CFAP74: variants seen among roughly 807,000 people sequenced by gnomAD.
CFAP74 encodes cilia- and flagella-associated protein 74.
CFAP74 carries 124 observed loss-of-function variants against 188.9 expected under a neutral mutation model. That is an observed-to-expected ratio of 0.66 (90% CI 0.57 to 0.76). The LOEUF (loss-of-function observed/expected upper bound fraction) is 0.76, where lower values mean the gene tolerates loss of function less well. CFAP74 is among the 30% of genes least tolerant of loss of function. The probability of loss-of-function intolerance (pLI) is 0.00; values close to 1 mark genes in which losing one functional copy is unlikely to be tolerated. For synonymous variants in CFAP74, 956 were observed against 916.7 expected, an observed-to-expected ratio of 1.04 and a Z score of -0.77; for missense variants, 2,198 against 2,165.2, an observed-to-expected ratio of 1.02 and a Z score of -0.30.
chr1:1,970,069 C>T (rs1355974379), intron 10 of CFAP74, among the ~76,000 whole-genome samples: 1 of 152,202 alleles, frequency 6.6e-6, no homozygotes, highest in African/African-American at 2.4e-5. Flanking sequence ...TCAGGAAGCC[C>T]AGTGGGGCCC....
At chr1:1,997,753 G>C (rs961206460) in intron 1 of CFAP74, among the ~76,000 whole-genome samples, 1 of 152,120 alleles carries the variant, frequency 6.6e-6, no homozygotes, top group Non-Finnish European at 1.5e-5. Flanking sequence ...CATGAAAGGA[G>C]ACAGACATAA....
chr1:1,956,147 C>T (rs1460847436), intron 17 of CFAP74, among the ~76,000 whole-genome samples: 2 of 152,368 alleles, frequency 1.3e-5, no homozygotes, highest in Non-Finnish European at 2.9e-5. Flanking sequence ...CTTGGTCCAA[C>T]CCTCCTTCCT....
intron 1 of CFAP74, among the ~76,000 whole-genome samples, chr1:1,993,565 C>T (rs1022249826): frequency 2.0e-5 from 3 of 151,826 alleles, no homozygotes; most frequent in Non-Finnish European, 2.9e-5. Flanking sequence ...GAACTAGAGG[C>T]GTGAGCCACC....
chr1:1,951,030 A>G (rs913879538), intron 18 of CFAP74, among the ~76,000 whole-genome samples: 2 of 152,160 alleles, frequency 1.3e-5, no homozygotes, highest in Non-Finnish European at 2.9e-5. Flanking sequence ...GGGGTGTATT[A>G]GTCTGTTTCA....
rs868196722 is a variant in CFAP74 at position 1,935,303 on chromosome 1, C to T, written c.3011+3552G>A. On this transcript the variant is annotated intron_variant, in intron 25 of 38. Transcript: ENST00000682832. ...TAGGTTGTAGGTACACAGGTGTATA[C>T]GTGGGTGTTAGGTTGTAGGTACACA... is the stretch of plus-strand genomic sequence containing the variant. Among the ~76,000 whole-genome samples the T allele has an allele frequency of 2.4e-5, 2 of 82,372 alleles. 1 individual carries two copies. Among genetic ancestry groups the T allele is most frequent in the Non-Finnish European group, 4.9e-5 (2 of 40,474 alleles). 54.0% of individuals were successfully genotyped at this position (82,372 alleles called of 152,430 possible).
intron 18 of CFAP74, among the ~76,000 whole-genome samples, chr1:1,952,045 C>T (rs1025118102): frequency 3.3e-5 from 5 of 152,278 alleles, no homozygotes; most frequent in African/African-American, 7.2e-5. Flanking sequence ...TCCACCTCCC[C>T]GCTTCAAGAG....
At position 1,970,513 on chromosome 1, in the gene CFAP74, CCT is replaced by C. The variant is rs1655874830; in HGVS notation, c.1046+144_1046+145del. 1.5e-5 allele frequency: 13 copies of C among 871,214 alleles called. No homozygotes were observed. In the East Asian group the frequency reaches 3.5e-4, roughly 24 times the overall value. 54.0% of individuals were successfully genotyped at this position (871,214 alleles called of 1,614,324 possible). ...AGGGCAAGGGTAGCAGCCTGGAGCC[CCT>C]GTTCCCGTGCCCCACAGCCGCCTGA... On this transcript the variant is annotated intron_variant, in intron 10 of 38. Transcript: ENST00000682832.
intron 6 of CFAP74, among the ~76,000 whole-genome samples, chr1:1,979,465 A>G (rs111637530): frequency 0.21 from 14,270 of 68,738 alleles, 1,753 homozygotes; most frequent in Non-Finnish European, 0.25. Flanking sequence ...ATGAAGCTGC[A>G]CAGAACACGC....
At position 1,925,049 on chromosome 1, in the gene CFAP74, AAGGCATGAGGGCACACACTGGTGCGG is replaced by A. The variant is rs1325047587; in HGVS notation, c.4105-555_4105-530del. Among the ~76,000 whole-genome samples, 155 of 137,632 alleles carry A rather than the reference AAGGCATGAGGGCACACACTGGTGCGG, an allele frequency of 1.1e-3. 2 individuals are homozygous for A. The highest frequency in any genetic ancestry group is 4.1e-3 in the African/African-American group (143 of 34,996). The allele number at this position is 137,632 out of a possible 152,430, so 90.3% of individuals were successfully genotyped here. A position where few individuals can be genotyped will look rare whatever the true frequency, so the allele number is the denominator to read the frequency against. On this transcript the variant is annotated intron_variant, in intron 33 of 38. Transcript: ENST00000682832. Reference sequence around the variant, plus strand: ...AGGCATGAGGGCACACACTGGTCCAAAGGCATGAGGGCACACACTGGTGCGGAGGCATGAGGGCACACACTGGTGCG... The same window carrying A: ...AGGCATGAGGGCACACACTGGTCCAAAGGCATGAGGGCACACACTGGTGCG...
intron 11 of CFAP74, among the ~76,000 whole-genome samples, chr1:1,967,086 C>A (rs1214213295): frequency 6.6e-6 from 1 of 152,226 alleles, no homozygotes; most frequent in Non-Finnish European, 1.5e-5. Context: ...TCCACTCACC[C>A]TAGCCTCCCA....
chr1:1,971,224 T>C (rs1656010907), intron 9 of CFAP74, among the ~76,000 whole-genome samples: 2 of 136,818 alleles, frequency 1.5e-5, no homozygotes, highest in South Asian at 4.7e-4. Flanking sequence ...CACATACGCG[T>C]GCACGCCTGC....
At chr1:1,929,614 G>C (rs1652199034) in intron 26 of CFAP74, among the ~76,000 whole-genome samples, 1 of 151,798 alleles carries the variant, frequency 6.6e-6, no homozygotes, top group Non-Finnish European at 1.5e-5. Context: ...CAGCCCTCAG[G>C]GTCACCCGAA....
chr1:1,925,850 G>A lies in CFAP74; in HGVS notation c.4037C>T (p.Ser1346Phe). 6.2e-7 allele frequency: 1 copy of A among 1,612,736 alleles called. No individual in the cohort carries two copies. The part of the protein sequence containing the change: ...GTGVASMITC[S>F]IEGSVLNMGY... The stretch of plus-strand genomic sequence containing the variant: ...CATGTTGAGGACGCTGCCTTCAATG[G>A]AGCACGTGATCATGGACGCCACGCC... Residue 1346 changes from serine to phenylalanine, a missense_variant, in exon 33 of 39, where the codon TCC becomes TTC. Transcript: ENST00000682832.
intron 33 of CFAP74, among the ~76,000 whole-genome samples, chr1:1,924,827 G>A (rs978299435): frequency 5.3e-5 from 8 of 152,320 alleles, no homozygotes; most frequent in South Asian, 2.1e-4. Flanking sequence ...CTGAACCCAC[G>A]TCCCCACCTG....
chr1:1,942,268 C>T lies in CFAP74; in HGVS notation c.2487-112G>A, dbSNP rs1375715962. 2.7e-6 allele frequency: 3 copies of T among 1,101,724 alleles called. No individual in the cohort carries two copies. The highest frequency in any genetic ancestry group is 7.0e-5 in the Admixed American group (2 of 28,708). 68.2% of individuals were successfully genotyped at this position (1,101,724 alleles called of 1,614,324 possible). On this transcript the variant is annotated intron_variant, in intron 21 of 38. Transcript: ENST00000682832. The surrounding 1 kb of genome is among the most constrained non-coding windows in gnomAD (Gnocchi z 4.3). Reference sequence around the variant, plus strand: ...GGCACCCAAGCCCCCGAGAGGTGCTCAGAGCCCACCCACTCCAAGCCATGC... The same window carrying T: ...GGCACCCAAGCCCCCGAGAGGTGCTTAGAGCCCACCCACTCCAAGCCATGC...
intron 25 of CFAP74, among the ~76,000 whole-genome samples, chr1:1,933,776 G>T (rs540454063): frequency 1.3e-5 from 2 of 152,088 alleles, no homozygotes; most frequent in Non-Finnish European, 2.9e-5. Context: ...TTTCTATTTC[G>T]TTGACTTCCA....
chr1:1,940,426 A>G (rs1653289739), intron 22 of CFAP74, 23 bp from the exon 23 acceptor site: 5 of 1,471,218 alleles, frequency 3.4e-6, no homozygotes, highest in Non-Finnish European at 3.6e-6. Flanking sequence ...GACAAGGCGA[A>G]TGTGCTTTCC....
chr1:1,960,922 T>C (rs1334012931), intron 14 of CFAP74, among the ~76,000 whole-genome samples: 2 of 152,064 alleles, frequency 1.3e-5, no homozygotes, highest in South Asian at 2.1e-4. Flanking sequence ...AGAGGACGTA[T>C]AGATAAAATG....
chr1:1,965,188 C>T (rs1309250257), intron 12 of CFAP74, 127 bp from the exon 13 acceptor site: 62 of 930,366 alleles, frequency 6.7e-5, no homozygotes, highest in South Asian at 8.9e-5. Flanking sequence ...CTGCCACCAG[C>T]GCTGGAGCTG....
Sources: gnomAD v4.1 joint callset for allele counts (sites outside exome capture counted in the v4.1 genomes callset) on GRCh38, gnomAD v4.1.1 for gene constraint, Gnocchi (gnomAD v3.1) non-coding constraint, MANE v1.5 for transcripts, NCBI Gene and HGNC (gene_info 2026-07-23, HGNC 2026-07-21) for gene names.